Variants in CAP2 observed in about 807,000 individuals in gnomAD.
CAP2 encodes the protein cyclase associated actin cytoskeleton regulatory protein 2.
In CAP2, 24 loss-of-function variants were observed where a neutral mutation model predicts 57.7. The ratio of observed to expected loss-of-function variants is 0.42; its 90% confidence interval spans 0.30 to 0.58. The LOEUF is 0.58. CAP2 is among the 20% of genes least tolerant of loss of function. The pLI is 0.22. For synonymous variants in CAP2, 194 were observed against 207.2 expected (o/e 0.94, Z 0.55); for missense variants, 501 against 590.3 (o/e 0.85, Z 1.57).
At chr6:17,436,964 G>A (rs1030165275) in intron 3 of CAP2, among the ~76,000 whole-genome samples, 14 of 152,240 alleles carry the variant, frequency 9.2e-5, no homozygotes, top group East Asian at 1.9e-4. Context: ...CTGCGCATTC[G>A]AGGGATCTAG....
At chr6:17,423,916 C>A (rs544360188) in intron 2 of CAP2, among the ~76,000 whole-genome samples, 1 of 152,224 alleles carries the variant, frequency 6.6e-6, no homozygotes, top group African/African-American at 2.4e-5. Flanking sequence ...TGAATGATAT[C>A]CATCCTTAAA....
chr6:17,466,044 G>C (rs1760856458), intron 4 of CAP2, among the ~76,000 whole-genome samples: 1 of 152,192 alleles, frequency 6.6e-6, no homozygotes, highest in Middle Eastern at 3.2e-3. Context: ...TCAAGTCATT[G>C]CTGTCAACTG....
chr6:17,410,622 ATC>A (rs559191630), intron 1 of CAP2, among the ~76,000 whole-genome samples: 188 of 150,978 alleles, frequency 1.2e-3, no homozygotes, highest in African/African-American at 4.3e-3. Context: ...CAGTGGCATG[ATC>A]TCGGCTCACT....
At chr6:17,536,142 G>C in intron 7 of CAP2, 1 of 450,950 alleles carries the variant, frequency 2.2e-6, no homozygotes, top group Non-Finnish European at 4.5e-6. Flanking sequence ...TTTTTTCTTG[G>C]GACATCTGAA....
intron 3 of CAP2, among the ~76,000 whole-genome samples, chr6:17,437,669 A>G (rs1759931516): frequency 6.6e-6 from 1 of 151,306 alleles, no homozygotes. Context: ...ATGAGGTCAA[A>G]AGATCAAGAC....
chr6:17,427,608 CAA>C (rs113060001), intron 3 of CAP2, among the ~76,000 whole-genome samples: 31 of 123,910 alleles, frequency 2.5e-4, no homozygotes, highest in African/African-American at 6.9e-4. Flanking sequence ...GTTGGCTCCT[CAA>C]AAAAAAAAAA....
chr6:17,404,334 G>A (rs559952504), intron 1 of CAP2, among the ~76,000 whole-genome samples: 13 of 152,212 alleles, frequency 8.5e-5, no homozygotes, highest in East Asian at 3.9e-4. Flanking sequence ...GGCTGGGTGC[G>A]GTGGCTCATG....
chr6:17,545,165 A>G (rs1763012447), intron 11 of CAP2, among the ~76,000 whole-genome samples: 1 of 152,222 alleles, frequency 6.6e-6, no homozygotes, highest in South Asian at 2.1e-4. Flanking sequence ...AGCCATAGTC[A>G]TGCAATCATA....
At chr6:17,434,765 G>T (rs1759828909) in intron 3 of CAP2, among the ~76,000 whole-genome samples, 1 of 152,038 alleles carries the variant, frequency 6.6e-6, no homozygotes, top group Non-Finnish European at 1.5e-5. Context: ...TATGTACACT[G>T]CTTCACACCT....
intron 4 of CAP2, among the ~76,000 whole-genome samples, chr6:17,493,175 T>A (rs936057870): frequency 3.3e-5 from 5 of 152,234 alleles, no homozygotes; most frequent in South Asian, 2.1e-4. Flanking sequence ...TATTTGTCAC[T>A]TCAGTGTTAG....
chr6:17,394,204 C>A (rs963024061), intron 1 of CAP2, among the ~76,000 whole-genome samples: 11 of 151,912 alleles, frequency 7.2e-5, no homozygotes, highest in African/African-American at 2.4e-4. Context: ...CTGACCAGAG[C>A]CACCTCGATC....
At chr6:17,506,124 C>T (rs1007207749) in intron 4 of CAP2, among the ~76,000 whole-genome samples, 1 of 152,046 alleles carries the variant, frequency 6.6e-6, no homozygotes, top group Admixed American at 6.6e-5. Context: ...GTCTTGAACT[C>T]CTGGCCCCAA....
chr6:17,428,614 GGGACTGTGGT>G (rs1759648185), intron 3 of CAP2, among the ~76,000 whole-genome samples: 1 of 147,858 alleles, frequency 6.8e-6, no homozygotes, highest in South Asian at 2.2e-4. Context: ...TCACACTCTG[GGGACTGTGGT>G]GGGATGGGGG....
chr6:17,484,021 C>T (rs532998310), intron 4 of CAP2, among the ~76,000 whole-genome samples: 1 of 151,934 alleles, frequency 6.6e-6, no homozygotes, highest in African/African-American at 2.4e-5. Context: ...GTGGCAACTG[C>T]TACACTCCCA....
chr6:17,398,988 A>C (rs1758741011), intron 1 of CAP2, among the ~76,000 whole-genome samples: 1 of 152,180 alleles, frequency 6.6e-6, no homozygotes, highest in African/African-American at 2.4e-5. Context: ...AATCCATGGC[A>C]ACCACCATTC....
intron 9 of CAP2, among the ~76,000 whole-genome samples, chr6:17,542,073 T>G (rs3777708): frequency 0.47 from 72,139 of 151,986 alleles, 18,417 homozygotes; most frequent in East Asian, 0.72. Context: ...TCTGTACCCT[T>G]AACCAATAGC....
chr6:17,555,199 A>AT lies in CAP2; in HGVS notation c.1351-1150dup, dbSNP rs889140546. 3.9e-4 allele frequency among the ~76,000 whole-genome samples: 58 copies of AT among 149,526 alleles called. 1 individual carries two copies. The highest frequency in any genetic ancestry group is 6.4e-4 in the South Asian group (3 of 4,712). On this transcript the variant is annotated intron_variant, in intron 12 of 12. Coordinates refer to ENST00000229922, the MANE Select transcript of CAP2 (RefSeq NM_006366.3). ...CATAAGATCCTGAATCAGAATCTGC[A>AT]TTTTTTTTTTCTGAGACAGAGTTTT...
At position 17,471,708 on chromosome 6, in the gene CAP2, G is replaced by T. The variant is rs189224445; in HGVS notation, c.300+8635G>T. ...TAGCCAGGCATAGTGGCGGGTGCCT[G>T]TAGTCCCAGCTACTCAGGAGGCTGA... On this transcript the variant is annotated intron_variant, in intron 4 of 12. Transcript: ENST00000229922. Among the ~76,000 whole-genome samples the T allele has an allele frequency of 9.9e-5, 15 of 151,648 alleles. 1 individual carries two copies. Among genetic ancestry groups the T allele is most frequent in the Admixed American group, 2.0e-4 (3 of 15,232 alleles).
At chr6:17,480,978 T>A (rs927169500) in intron 4 of CAP2, among the ~76,000 whole-genome samples, 1 of 105,916 alleles carries the variant, frequency 9.4e-6, no homozygotes, top group African/African-American at 3.4e-5. Context: ...TTTTTTTTTT[T>A]AGTAGAGACA....
Sources: allele counts gnomAD v4.1 joint callset (sites outside exome capture counted in the v4.1 genomes callset), GRCh38; gene constraint gnomAD v4.1.1; transcripts MANE v1.5; gene names NCBI Gene and HGNC (gene_info 2026-07-23, HGNC 2026-07-21).